MCPH1: variants seen among roughly 807,000 people sequenced by gnomAD.
MCPH1 encodes microcephalin.
Under a neutral mutation model 84.5 loss-of-function variants are expected in MCPH1, and 104 were observed. The observed-to-expected ratio is 1.23, with a 90% CI of 1.05 to 1.45. The LOEUF is 1.45. Ranked by LOEUF, MCPH1 falls within the 40% of genes most tolerant of loss-of-function variation. MCPH1 has a pLI of 0.00. For synonymous variants in MCPH1, 514 were observed against 366.8 expected (o/e 1.40, Z -4.58); for missense variants, 1,498 against 1,005.7 (o/e 1.49, Z -6.62).
chr8:6,640,499 G>A (rs149432104), intron 13 of MCPH1, among the ~76,000 whole-genome samples: 18 of 152,140 alleles, frequency 1.2e-4, no homozygotes, highest in South Asian at 8.3e-4. Context: ...TTTATCATTC[G>A]TGAATTACCT....
chr8:6,527,984 C>T (rs575402263), intron 12 of MCPH1, among the ~76,000 whole-genome samples: 1 of 151,036 alleles, frequency 6.6e-6, no homozygotes, highest in South Asian at 2.1e-4. Context: ...CAACCTCCGC[C>T]TCCCGGGTTC....
intron 12 of MCPH1, among the ~76,000 whole-genome samples, chr8:6,532,879 T>C (rs1011495932): frequency 2.6e-5 from 4 of 152,222 alleles, no homozygotes; most frequent in African/African-American, 9.6e-5. Flanking sequence ...CAGGAAATGA[T>C]AATTTGACAC....
At chr8:6,421,132 T>A (rs73516736) in intron 3 of MCPH1, among the ~76,000 whole-genome samples, 1,805 of 152,306 alleles carry the variant, frequency 0.012, 37 homozygotes, top group African/African-American at 0.042. Context: ...TGGGTGCCCA[T>A]CTGAAGCTTT....
Position 6,528,627 on chromosome 8 carries a change from T to C in MCPH1, c.2214+28698T>C, listed in dbSNP as rs138022360. 1.3e-4 allele frequency among the ~76,000 whole-genome samples: 20 copies of C among 152,378 alleles called. No homozygotes were observed. In the East Asian group the frequency reaches 3.3e-3, roughly 25 times the overall value. On this transcript the variant is annotated intron_variant, in intron 12 of 13. Coordinates refer to ENST00000344683, the MANE Select transcript of MCPH1 (RefSeq NM_024596.5). ...GTGAGCTACTGCGTGGCATGAGCAG[T>C]GCGGCTCTCCCGCGGATTCTCTAGC...
intron 12 of MCPH1, chr8:6,501,160 T>A (rs1043316564): frequency 1.3e-5 from 2 of 152,180 alleles, no homozygotes; most frequent in African/African-American, 4.8e-5. Flanking sequence ...TGCACCTTGG[T>A]GGAAATAAAA....
In MCPH1 at chr8:6,477,635, A is replaced by G; in HGVS notation, c.1973+4A>G. ...TCATGACAAGCATGCCATCTGAGTAAGTACTTGTTTTGATTTCTGTTCAAT... is the reference window on the plus strand; with the variant it reads ...TCATGACAAGCATGCCATCTGAGTAGGTACTTGTTTTGATTTCTGTTCAAT... On this transcript the variant is annotated splice_donor_region_variant and intron_variant, in intron 10 of 13. Coordinates refer to ENST00000344683, the MANE Select transcript of MCPH1 (RefSeq NM_024596.5). 3 of 1,611,546 alleles carry G rather than the reference A, an allele frequency of 1.9e-6. No individual in the cohort carries two copies. The highest frequency in any genetic ancestry group is 1.7e-6 in the Non-Finnish European group (2 of 1,177,988).
chr8:6,599,387 C>T (rs1263592137), intron 12 of MCPH1, among the ~76,000 whole-genome samples: 1 of 152,146 alleles, frequency 6.6e-6, no homozygotes, highest in Non-Finnish European at 1.5e-5. Flanking sequence ...AAGCAGAGCG[C>T]GGCTTAGTGA....
intron 8 of MCPH1, among the ~76,000 whole-genome samples, chr8:6,448,938 G>A (rs151020961): frequency 1.8e-4 from 28 of 152,112 alleles, no homozygotes; most frequent in African/African-American, 6.3e-4. Context: ...TATTGACACT[G>A]GAATACATTT....
intron 12 of MCPH1, among the ~76,000 whole-genome samples, chr8:6,523,008 C>G (rs1235051003): frequency 6.8e-6 from 1 of 147,292 alleles, no homozygotes; most frequent in South Asian, 2.2e-4. Context: ...TTTTTTTTTT[C>G]TTTTTTTGAG....
chr8:6,514,428 A>G (rs1045348347), intron 12 of MCPH1, among the ~76,000 whole-genome samples: 1 of 152,144 alleles, frequency 6.6e-6, no homozygotes, highest in Non-Finnish European at 1.5e-5. Flanking sequence ...ACCTCAGGTA[A>G]TCCATCTGCC....
chr8:6,554,751 C>G (rs941141160), intron 12 of MCPH1, among the ~76,000 whole-genome samples: 1 of 152,032 alleles, frequency 6.6e-6, no homozygotes, highest in Non-Finnish European at 1.5e-5. Context: ...GAGGAGCCCT[C>G]GGAGGGAGCG....
chr8:6,632,642 T>C (rs1043683461), intron 13 of MCPH1, among the ~76,000 whole-genome samples: 3 of 152,028 alleles, frequency 2.0e-5, no homozygotes, highest in Non-Finnish European at 2.9e-5. Flanking sequence ...ACCCCATCTC[T>C]ACTAAAAATA....
chr8:6,633,073 T>C (rs1166181267), intron 13 of MCPH1, among the ~76,000 whole-genome samples: 2 of 151,496 alleles, frequency 1.3e-5, no homozygotes, highest in Admixed American at 1.3e-4. Context: ...CTTTCTTAAC[T>C]ATGGAGGTTA....
intron 11 of MCPH1, among the ~76,000 whole-genome samples, chr8:6,499,392 T>C (rs970659960): frequency 3.3e-5 from 5 of 152,140 alleles, no homozygotes; most frequent in Admixed American, 6.5e-5. Context: ...TCTGAAAATA[T>C]TAGCCAATGT....
chr8:6,422,645 T>C (rs1399745293), intron 3 of MCPH1, among the ~76,000 whole-genome samples: 1 of 152,178 alleles, frequency 6.6e-6, no homozygotes, highest in East Asian at 1.9e-4. Context: ...AAGGGGCTCA[T>C]GCAGACCCCA....
intron 12 of MCPH1, among the ~76,000 whole-genome samples, chr8:6,550,416 C>G (rs1343542554): frequency 1.3e-5 from 2 of 152,360 alleles, no homozygotes; most frequent in East Asian, 3.9e-4. Flanking sequence ...TCTCTACAGC[C>G]GCTTGTTGCC....
At position 6,576,498 on chromosome 8, in the gene MCPH1, T is replaced by TCCCTTCCCCTTCCCCTTC. The variant is rs143775843; in HGVS notation, c.2215-44952_2215-44935dup. 5.8e-3 allele frequency among the ~76,000 whole-genome samples: 807 copies of TCCCTTCCCCTTCCCCTTC among 139,784 alleles called. 16 individuals are homozygous for TCCCTTCCCCTTCCCCTTC. The highest frequency in any genetic ancestry group is 0.016 in the African/African-American group (598 of 37,146). 91.7% of individuals were successfully genotyped at this position (139,784 alleles called of 152,430 possible). A position where few individuals can be genotyped will look rare whatever the true frequency, so the allele number is the denominator to read the frequency against. On this transcript the variant is annotated intron_variant, in intron 12 of 13. Coordinates refer to ENST00000344683, the MANE Select transcript of MCPH1 (RefSeq NM_024596.5). The stretch of plus-strand genomic sequence containing the variant: ...TTCCCTTCCCGTTTCCTTTTCCCTT[T>TCCCTTCCCCTTCCCCTTC]CCCTTCCCCTTCCCCTTCCCCGTCC...
chr8:6,648,216 A>C lies in MCPH1; in HGVS notation c.*5167A>C, dbSNP rs1798306484. 6.6e-6 allele frequency: 1 copy of C among 152,236 alleles called. No individual in the cohort carries two copies. 9.4% of individuals were successfully genotyped at this position (152,236 alleles called of 1,614,324 possible). A position where few individuals can be genotyped will look rare whatever the true frequency, so the allele number is the denominator to read the frequency against. Reference sequence around the variant, plus strand: ...AGAACTCCCTGTGGAGTTGGCCGATACTGCCTGTGACCTGCAATGTGGTCT... The same window carrying C: ...AGAACTCCCTGTGGAGTTGGCCGATCCTGCCTGTGACCTGCAATGTGGTCT... On this transcript the variant is annotated 3_prime_UTR_variant, in exon 14 of 14. Transcript: ENST00000344683.
chr8:6,421,778 C>G (rs972691051), intron 3 of MCPH1, among the ~76,000 whole-genome samples: 3 of 152,116 alleles, frequency 2.0e-5, no homozygotes, highest in Non-Finnish European at 2.9e-5. Context: ...TGACCCAGGT[C>G]CAGTGTGCTG....
Sources: gnomAD v4.1 joint callset for allele counts (sites outside exome capture counted in the v4.1 genomes callset) on GRCh38, gnomAD v4.1.1 for gene constraint, MANE v1.5 for transcripts, NCBI Gene and HGNC (gene_info 2026-07-23, HGNC 2026-07-21) for gene names.